PCDHGB3: variants seen among roughly 807,000 people sequenced by gnomAD.
PCDHGB3 encodes protocadherin gamma-B3.
In PCDHGB3, 40 loss-of-function variants were observed where a neutral mutation model predicts 59.2. That is an observed-to-expected ratio of 0.68 (90% confidence interval 0.52 to 0.88). The LOEUF (loss-of-function observed/expected upper bound fraction) is 0.88. PCDHGB3 is among the 40% of genes least tolerant of loss of function. PCDHGB3 has a pLI of 0.00. For missense variants in PCDHGB3, 1,309 were observed against 1,187.9 expected (o/e 1.10, Z -1.50); for synonymous variants, 581 against 503.6 (o/e 1.15, Z -2.06).
At chr5:141,402,826 G>A (rs776479870) in intron 1 of PCDHGB3, 37 of 1,328,842 alleles carry the variant, frequency 2.8e-5, no homozygotes, top group Middle Eastern at 2.7e-4. Flanking sequence ...CCTGCTCCCA[G>A]GCTGCAGCAA....
At chr5:141,399,123 T>C (rs1221457638) in intron 1 of PCDHGB3, 12 of 1,613,828 alleles carry the variant, frequency 7.4e-6, no homozygotes, top group East Asian at 2.2e-5. Context: ...TTGAAATTAA[T>C]ATTCAAGATG....
chr5:141,398,237 T>G, intron 1 of PCDHGB3: 1 of 1,479,534 alleles, frequency 6.8e-7, no homozygotes, highest in Non-Finnish European at 9.2e-7. Context: ...CGCTACAGGA[T>G]TCCCGAGGAA....
intron 1 of PCDHGB3, chr5:141,441,743 C>T (rs1298220876): frequency 1.4e-5 from 5 of 367,166 alleles, no homozygotes; most frequent in Non-Finnish European, 2.2e-5. Context: ...AGCTCGCGCT[C>T]GGCGTCAACG....
chr5:141,399,799 G>A lies in PCDHGB3; in HGVS notation c.2415+26990G>A, dbSNP rs768345936. The A allele has an allele frequency of 8.7e-6, 14 of 1,613,236 alleles. No homozygotes were observed. The South Asian group carries it at 1.5e-4, about 18-fold the overall frequency. On this transcript the variant is annotated intron_variant, in intron 1 of 3. Transcript: ENST00000576222. The stretch of plus-strand genomic sequence containing the variant: ...CGACCGAAACGACAACGCACCGCGG[G>A]TGCTGTACCCCGCGCTGGGTCCCGA...
chr5:141,440,883 T>C (rs1435173649), intron 1 of PCDHGB3: 4 of 152,178 alleles, frequency 2.6e-5, no homozygotes, highest in Non-Finnish European at 5.9e-5. Flanking sequence ...AGCGTCGGCC[T>C]TCAGGAAGAT....
At position 141,486,602 on chromosome 5, in the gene PCDHGB3, C is replaced by T; in HGVS notation, c.2416-8205C>T. The stretch of plus-strand genomic sequence containing the variant: ...TCGCCCAGGGGACCTGCTTTGCTCC[C>T]TTGCAGCCTCTGACCCAGACTCTGG... On this transcript the variant is annotated intron_variant, in intron 1 of 3. Transcript: ENST00000576222. The surrounding 1 kb of genome is among the most constrained non-coding windows in gnomAD (Gnocchi z 5.0). 6.2e-7 allele frequency: 1 copy of T among 1,613,572 alleles called. No homozygotes were observed. Among genetic ancestry groups the T allele is most frequent in the Non-Finnish European group, 8.5e-7 (1 of 1,180,026 alleles).
Position 141,486,697 on chromosome 5 carries a change from C to G in PCDHGB3, c.2416-8110C>G. 1 of 1,614,176 alleles carries G rather than the reference C, an allele frequency of 6.2e-7. No individual in the cohort carries two copies. The highest frequency in any genetic ancestry group is 8.5e-7 in the Non-Finnish European group (1 of 1,180,032). ...GAGATGTATCAGCTTCCTCTTTCATCTCTCTGAACCCCCAGACAGGAGCTG... is the reference window on the plus strand; with the variant it reads ...GAGATGTATCAGCTTCCTCTTTCATGTCTCTGAACCCCCAGACAGGAGCTG... On this transcript the variant is annotated intron_variant, in intron 1 of 3. Coordinates refer to ENST00000576222, the MANE Select transcript of PCDHGB3 (RefSeq NM_018924.5). The surrounding 1 kb of genome is among the most constrained non-coding windows in gnomAD (Gnocchi z 5.0).
At chr5:141,475,979 C>A in intron 1 of PCDHGB3, 1 of 1,020,182 alleles carries the variant, frequency 9.8e-7, no homozygotes, top group Non-Finnish European at 1.4e-6. Flanking sequence ...GACTGAACAG[C>A]CGGCGAGCAA....
At chr5:141,415,974 C>T (rs2095976813) in intron 1 of PCDHGB3, 1 of 375,644 alleles carries the variant, frequency 2.7e-6, no homozygotes, top group African/African-American at 2.1e-5. Flanking sequence ...GCCCCTTAAG[C>T]AACCCTCTTG....
chr5:141,415,404 C>A lies in PCDHGB3; in HGVS notation c.2415+42595C>A, dbSNP rs199662613. On this transcript the variant is annotated intron_variant, in intron 1 of 3. Transcript: ENST00000576222. ...GCTTGACAGGTGTGTCCGGCTCGCA[C>A]TTTGTGGGCGTGGACGGGGTTCGGG... The A allele has an allele frequency of 2.2e-4, 363 of 1,614,238 alleles. 1 individual carries two copies. Among genetic ancestry groups the A allele is most frequent in the Non-Finnish European group, 6.8e-6 (8 of 1,180,048 alleles).
chr5:141,470,037 G>A lies in PCDHGB3; in HGVS notation c.2416-24770G>A, dbSNP rs76537989. Among the ~76,000 whole-genome samples the A allele has an allele frequency of 2.3e-3, 347 of 152,258 alleles. 6 individuals are homozygous for A. The East Asian group carries it at 0.048, about 21-fold the overall frequency. On this transcript the variant is annotated intron_variant, in intron 1 of 3. Transcript: ENST00000576222. ...CCAGCTACTCGGGATGCTGAGGCGC[G>A]AGAACTGTTTGAACCCCGGAGGCAG...
rs543908773 is a variant in PCDHGB3, at chr5:141,400,145, A to G, written c.2415+27336A>G. ...CAGGAGGTGCTGCCGGATATCACTG[A>G]CCGCCCTGTACCCTCTGACCCCCAG... On this transcript the variant is annotated intron_variant, in intron 1 of 3. Coordinates refer to ENST00000576222, the MANE Select transcript of PCDHGB3 (RefSeq NM_018924.5). The G allele has an allele frequency of 4.1e-5, 66 of 1,613,312 alleles. No individual in the cohort carries two copies. The South Asian group carries it at 5.4e-4, about 13-fold the overall frequency.
chr5:141,433,408 A>ATCTATCTATCT (rs1413347413), intron 1 of PCDHGB3, among the ~76,000 whole-genome samples: 6 of 127,280 alleles, frequency 4.7e-5, no homozygotes, highest in African/African-American at 1.8e-4. Context: ...TCTATCTATT[A>ATCTATCTATCT]CTTTCTTGTA....
intron 1 of PCDHGB3, among the ~76,000 whole-genome samples, chr5:141,452,103 TTTCTC>T (rs1428635203): frequency 1.3e-5 from 2 of 152,186 alleles, no homozygotes; most frequent in African/African-American, 4.8e-5. Context: ...AGAGCTTTCT[TTTCTC>T]TTCTTATTTA....
intron 1 of PCDHGB3, chr5:141,421,581 C>T (rs2096585155): frequency 2.5e-6 from 4 of 1,613,712 alleles, no homozygotes; most frequent in Admixed American, 1.7e-5. Flanking sequence ...TGAAGATTTA[C>T]GGAGTGGAGG....
chr5:141,493,289 C>A lies in PCDHGB3; in HGVS notation c.2416-1518C>A, dbSNP rs925045650. On this transcript the variant is annotated intron_variant, in intron 1 of 3. Coordinates refer to ENST00000576222, the MANE Select transcript of PCDHGB3 (RefSeq NM_018924.5). This position sits in a 1 kb window ranked among gnomAD's most constrained non-coding sequence, Gnocchi z 4.3. The stretch of plus-strand genomic sequence containing the variant: ...CTTCACAGAGGTCAAGTGACTTGCT[C>A]AAGTTCACAGAGCAAGTAAGAGAGA... 6.6e-6 allele frequency among the ~76,000 whole-genome samples: 1 copy of A among 152,176 alleles called. No individual in the cohort carries two copies. Among genetic ancestry groups the A allele is most frequent in the East Asian group, 1.9e-4 (1 of 5,194 alleles).
rs533568792 is a variant in PCDHGB3 at position 141,393,506 on chromosome 5, A to G, written c.2415+20697A>G. The G allele has an allele frequency of 7.4e-6, 12 of 1,614,032 alleles. No individual in the cohort carries two copies. The East Asian group carries it at 2.5e-4, about 33-fold the overall frequency. ...CTAGCACAGTGCGCATCCACGTGAC[A>G]GTGTTGGATACAAATGACAATGCCC... On this transcript the variant is annotated intron_variant, in intron 1 of 3. Transcript: ENST00000576222.
chr5:141,393,001 G>A (rs775192271), intron 1 of PCDHGB3: 1 of 1,613,908 alleles, frequency 6.2e-7, no homozygotes, highest in South Asian at 1.1e-5. Flanking sequence ...GCGAAGCACG[G>A]AGTCCGTATC....
intron 1 of PCDHGB3, among the ~76,000 whole-genome samples, chr5:141,434,616 T>C (rs911085192): frequency 1.3e-5 from 2 of 152,204 alleles, no homozygotes; most frequent in East Asian, 1.9e-4. Context: ...TCCGCCCATC[T>C]CTTCGTTTCC....
Sources: gnomAD v4.1 joint callset for allele counts (sites outside exome capture counted in the v4.1 genomes callset) on GRCh38, gnomAD v4.1.1 for gene constraint, Gnocchi (gnomAD v3.1) non-coding constraint, MANE v1.5 for transcripts, NCBI Gene and HGNC (gene_info 2026-07-23, HGNC 2026-07-21) for gene names.